Variants in PPIG observed in about 807,000 individuals in gnomAD.
PPIG encodes peptidyl-prolyl cis-trans isomerase G.
PPIG carries 26 observed loss-of-function variants against 87.9 expected under a neutral mutation model. The ratio of observed to expected loss-of-function variants is 0.30; its 90% confidence interval spans 0.22 to 0.41. PPIG has a LOEUF of 0.41. Ranked by LOEUF, PPIG falls within the 10% of genes least tolerant of loss-of-function variation. The pLI is 1.00. For synonymous variants in PPIG, 308 were observed against 276.5 expected (o/e 1.11, Z -1.13); for missense variants, 722 against 879.4 (o/e 0.82, Z 2.26).
In PPIG at chr2:169,594,629, T is replaced by TC. The variant is rs1163961270; in HGVS notation, c.-69-9013_-69-9012insC. ...TTCAGTTTTACTCTTTCTTTTCTTT[T>TC]TTTTTTTTTTTTTTTTTGAGACAGA... On this transcript the variant is annotated intron_variant, in intron 1 of 13. Coordinates refer to ENST00000260970, the MANE Select transcript of PPIG (RefSeq NM_004792.3). Among the ~76,000 whole-genome samples, 33 of 57,346 alleles carry TC rather than the reference T, an allele frequency of 5.8e-4. No individual in the cohort carries two copies. In the South Asian group the frequency reaches 0.014, roughly 24 times the overall value. The allele number at this position is 57,346 out of a possible 152,430, so 37.6% of individuals were successfully genotyped here. A position where few individuals can be genotyped will look rare whatever the true frequency, so the allele number is the denominator to read the frequency against.
At chr2:169,586,130 C>T (rs566983285) in intron 1 of PPIG, among the ~76,000 whole-genome samples, 1 of 148,692 alleles carries the variant, frequency 6.7e-6, no homozygotes, top group South Asian at 2.1e-4. Flanking sequence ...GGTTCTGTGT[C>T]TTAAACAAGA....
chr2:169,606,918 A>G (rs943332047), intron 5 of PPIG, among the ~76,000 whole-genome samples, 186 bp from the exon 6 acceptor site: 1 of 152,172 alleles, frequency 6.6e-6, no homozygotes, highest in African/African-American at 2.4e-5. Context: ...CTATCATAGC[A>G]TAGGGGAAAG....
At chr2:169,612,087 C>T (rs183773798) in intron 7 of PPIG, among the ~76,000 whole-genome samples, 147 of 151,896 alleles carry the variant, frequency 9.7e-4, no homozygotes, top group Non-Finnish European at 1.4e-3. Flanking sequence ...GTGATCCTAC[C>T]GCCTCAGCCT....
intron 7 of PPIG, among the ~76,000 whole-genome samples, chr2:169,610,078 G>A (rs1685445602): frequency 6.6e-6 from 1 of 152,172 alleles, no homozygotes; most frequent in African/African-American, 2.4e-5. Flanking sequence ...ATGGGTATAG[G>A]TTTGTTCTGT....
At chr2:169,607,678 G>T (rs2252262) in intron 6 of PPIG, among the ~76,000 whole-genome samples, 61,236 of 152,010 alleles carry the variant, frequency 0.4, 12,955 homozygotes, top group East Asian at 0.58. Flanking sequence ...TTAGTGAAAT[G>T]TTGTTTAAAA....
At chr2:169,608,457 TC>T (rs1452123505) in intron 6 of PPIG, among the ~76,000 whole-genome samples, 1 of 151,646 alleles carries the variant, frequency 6.6e-6, no homozygotes, top group Non-Finnish European at 1.5e-5. Flanking sequence ...GCCACTGCAC[TC>T]CAGCCTGGGC....
Position 169,631,859 on chromosome 2 carries a change from C to T in PPIG, c.855C>T (p.Phe285=), listed in dbSNP as rs1333099212. 1.2e-6 allele frequency: 2 copies of T among 1,612,674 alleles called. No homozygotes were observed. Among genetic ancestry groups the T allele is most frequent in the African/African-American group, 2.7e-5 (2 of 74,680 alleles). Residue 285 remains phenylalanine (F), a synonymous_variant, in exon 11 of 14, where the codon TTC becomes TTT. Coordinates refer to ENST00000260970, the MANE Select transcript of PPIG (RefSeq NM_004792.3). ...TCCCTCCTATACCTGAAAATAGATT[C>T]CTAATGAGAAAAAGTCCTCCTAAAG... ...EEIPPIPENR[F]LMRKSPPKAD...
At chr2:169,624,689 G>A (rs1220885609) in intron 9 of PPIG, among the ~76,000 whole-genome samples, 1 of 152,140 alleles carries the variant, frequency 6.6e-6, no homozygotes, top group Non-Finnish European at 1.5e-5. Flanking sequence ...CCTGGTTCAC[G>A]CGATTCTCCT....
intron 11 of PPIG, 68 bp from the exon 12 acceptor site, chr2:169,633,092 A>G (rs1037164943): frequency 1.7e-5 from 21 of 1,213,724 alleles, no homozygotes; most frequent in Non-Finnish European, 2.4e-5. Context: ...CATTTTTATT[A>G]AAGTAACATG....
At chr2:169,627,174 C>T (rs1685910783) in intron 9 of PPIG, among the ~76,000 whole-genome samples, 1 of 152,210 alleles carries the variant, frequency 6.6e-6, no homozygotes, top group Non-Finnish European at 1.5e-5. Context: ...TCTTGGCTTA[C>T]TGCAATCTCC....
chr2:169,616,069 A>G (rs538684036), intron 9 of PPIG, among the ~76,000 whole-genome samples: 60 of 152,204 alleles, frequency 3.9e-4, no homozygotes, highest in African/African-American at 5.3e-4. Context: ...TCATTGTTCA[A>G]CTTCCACTTT....
chr2:169,601,699 A>C (rs2105483566), intron 1 of PPIG, among the ~76,000 whole-genome samples: 1 of 152,268 alleles, frequency 6.6e-6, no homozygotes, highest in African/African-American at 2.4e-5. Flanking sequence ...AGCTGAAATA[A>C]AGTTGAGGAA....
Position 169,607,125 on chromosome 2 carries a change from C to G in PPIG, c.266C>G (p.Ser89Cys), listed in dbSNP as rs1431631432. 3 of 1,566,440 alleles carry G rather than the reference C, an allele frequency of 1.9e-6. No individual in the cohort carries two copies. Reference sequence around the variant, plus strand: ...TTAGGAAATGGACGAGGAGGGGAATCTATCTATGGAGGATTTTTTGAAGGT... The same window carrying G: ...TTAGGAAATGGACGAGGAGGGGAATGTATCTATGGAGGATTTTTTGAAGGT... Reference protein sequence around the residue: ...FSEGNGRGGESIYGGFFEDES... With the variant: ...FSEGNGRGGECIYGGFFEDES... The change falls in exon 6 of 14, where the codon TCT (serine) becomes TGT (cysteine). Residue 89 changes from serine to cysteine, a missense_variant. By Grantham distance (112) the Ser-to-Cys change is moderately radical (BLOSUM62 -1). This residue lies in a region of PPIG where 99 missense variants were observed against 215.8 expected (regional missense o/e 0.46). Coordinates refer to ENST00000260970, the MANE Select transcript of PPIG (RefSeq NM_004792.3).
chr2:169,606,821 TA>T (rs1346031423), intron 5 of PPIG, among the ~76,000 whole-genome samples: 1 of 152,136 alleles, frequency 6.6e-6, no homozygotes, highest in African/African-American at 2.4e-5. Context: ...GAAAAAATGT[TA>T]ACCTGTTGCA....
In PPIG at chr2:169,636,089, T is replaced by C. The variant is rs1185535920; in HGVS notation, c.1018-3T>C. ...AATTTTTCCCTATTTTAATTTTCTT[T>C]AGCGTTATCGAACTCCTTCCAGATC... On this transcript the variant is annotated splice_region_variant and splice_polypyrimidine_tract_variant and intron_variant, in intron 12 of 13. Coordinates refer to ENST00000260970, the MANE Select transcript of PPIG (RefSeq NM_004792.3). 1.3e-6 allele frequency: 2 copies of C among 1,591,486 alleles called. No individual in the cohort carries two copies. Among genetic ancestry groups the C allele is most frequent in the Non-Finnish European group, 1.7e-6 (2 of 1,170,628 alleles).
chr2:169,611,762 A>G (rs1361049146), intron 7 of PPIG, among the ~76,000 whole-genome samples: 7 of 152,090 alleles, frequency 4.6e-5, no homozygotes, highest in South Asian at 4.1e-4. Context: ...TCCTTCATAT[A>G]TATATTCTCA....
intron 9 of PPIG, among the ~76,000 whole-genome samples, chr2:169,627,249 C>G (rs1685912944): frequency 6.6e-6 from 1 of 151,350 alleles, no homozygotes. Context: ...CGCGTGTGCA[C>G]CACCACACTT....
At chr2:169,600,333 C>A (rs371026700) in intron 1 of PPIG, among the ~76,000 whole-genome samples, 13 of 152,262 alleles carry the variant, frequency 8.5e-5, no homozygotes, top group African/African-American at 1.9e-4. Context: ...CTTCAGCCCC[C>A]CAAAGGGCCG....
chr2:169,594,376 T>A (rs1379667143), intron 1 of PPIG, among the ~76,000 whole-genome samples: 1 of 151,382 alleles, frequency 6.6e-6, no homozygotes, highest in Admixed American at 6.6e-5. Flanking sequence ...AATTGTTTCC[T>A]GATTACGAAA....
Sources: gnomAD v4.1 joint callset for allele counts (sites outside exome capture counted in the v4.1 genomes callset) on GRCh38, gnomAD v4.1.1 for gene constraint, gnomAD v4.1.1 regional missense constraint, MANE v1.5 for transcripts, NCBI Gene and HGNC (gene_info 2026-07-23, HGNC 2026-07-21) for gene names.